NHEJ1: variants seen among roughly 807,000 people sequenced by gnomAD.
The protein encoded by NHEJ1 is non-homologous end joining factor 1, also known as non-homologous end-joining factor 1.
In NHEJ1, 22 loss-of-function variants were observed where a neutral mutation model predicts 39.4. The ratio of observed to expected loss-of-function variants is 0.56; its 90% CI spans 0.40 to 0.80. The LOEUF (loss-of-function observed/expected upper bound fraction) is 0.80. NHEJ1 is among the 30% of genes least tolerant of loss of function. The pLI, the probability that NHEJ1 is intolerant of heterozygous loss-of-function variation, is 0.00. For synonymous variants in NHEJ1, 154 were observed against 135.6 expected, an observed-to-expected ratio of 1.14 and a Z score of -0.94; for missense variants, 329 against 357.1, an observed-to-expected ratio of 0.92 and a Z score of 0.63.
chr2:219,123,849 G>A (rs1381771073), intron 5 of NHEJ1, among the ~76,000 whole-genome samples: 1 of 152,216 alleles, frequency 6.6e-6, no homozygotes, highest in Non-Finnish European at 1.5e-5. Context: ...CCTAGGAAGA[G>A]GGTGGGGGCT....
chr2:219,137,598 A>AAATAAC (rs1949646789), intron 5 of NHEJ1, among the ~76,000 whole-genome samples: 1 of 150,620 alleles, frequency 6.6e-6, no homozygotes, highest in Non-Finnish European at 1.5e-5. Flanking sequence ...AAAAACAAAA[A>AAATAAC]AAACTGAAAA....
chr2:219,159,612 C>T (rs1022541748), intron 1 of NHEJ1, among the ~76,000 whole-genome samples: 39 of 107,352 alleles, frequency 3.6e-4, no homozygotes, highest in Non-Finnish European at 5.0e-4. Context: ...CATATATATA[C>T]ATATACGTGG....
In NHEJ1 at chr2:219,071,595, C is replaced by G. The variant is rs974630482; in HGVS notation, c.*4786G>C. ...AGCCCCTGAACCCTACTCCCCAATT[C>G]TAACTCTGCTACTGTTTTGGGCCCC... On this transcript the variant is annotated 3_prime_UTR_variant, in exon 8 of 8. Coordinates refer to ENST00000356853, the MANE Select transcript of NHEJ1 (RefSeq NM_024782.3). Among the ~76,000 whole-genome samples the G allele has an allele frequency of 4.6e-5, 7 of 152,184 alleles. No individual in the cohort carries two copies. The highest frequency in any genetic ancestry group is 1.7e-4 in the African/African-American group (7 of 41,440).
At chr2:219,123,784 A>G (rs1156639201) in intron 5 of NHEJ1, among the ~76,000 whole-genome samples, 1 of 152,120 alleles carries the variant, frequency 6.6e-6, no homozygotes, top group African/African-American at 2.4e-5. Context: ...CCCACACTCA[A>G]GAGGAACAGA....
At chr2:219,076,532 T>A in intron 7 of NHEJ1, 77 bp from the exon 8 acceptor site, 5 of 996,044 alleles carry the variant, frequency 5.0e-6, no homozygotes, top group Non-Finnish European at 7.8e-6. Flanking sequence ...TTTCTTCCTC[T>A]CATGGCTCCT....
At chr2:219,126,319 T>C (rs1006587026) in intron 5 of NHEJ1, among the ~76,000 whole-genome samples, 3 of 152,246 alleles carry the variant, frequency 2.0e-5, no homozygotes, top group Non-Finnish European at 4.4e-5. Flanking sequence ...CTATTACTTG[T>C]GCAACTCGAG....
intron 7 of NHEJ1, 40 bp from the exon 8 acceptor site, chr2:219,076,495 T>C (rs770534427): frequency 1.3e-6 from 2 of 1,581,884 alleles, no homozygotes; most frequent in South Asian, 2.2e-5. Flanking sequence ...GGTTTTGAAA[T>C]AGTTCCACTG....
At chr2:219,076,521 C>A in intron 7 of NHEJ1, 66 bp from the exon 8 acceptor site, 68 of 1,016,872 alleles carry the variant, frequency 6.7e-5, no homozygotes, top group Middle Eastern at 2.6e-4. Flanking sequence ...AGGAAAGGAA[C>A]TTTCTTCCTC....
chr2:219,121,882 A>T (rs1949474787), intron 5 of NHEJ1, among the ~76,000 whole-genome samples: 1 of 152,190 alleles, frequency 6.6e-6, no homozygotes, highest in African/African-American at 2.4e-5. Flanking sequence ...AACTAATGCT[A>T]AATACAATAG....
At chr2:219,125,699 C>T (rs1323694050) in intron 5 of NHEJ1, 1 of 152,318 alleles carries the variant, frequency 6.6e-6, no homozygotes, top group Non-Finnish European at 1.5e-5. Context: ...ATGCTCTTCT[C>T]TGCCCAAAGG....
rs1948984288 is a variant in NHEJ1, at chr2:219,073,549, G to A, written c.*2832C>T. ...CCTAGCTAACTATGGGGGACCAGCC[G>A]GCAAGGCCAAGTAGGCCTTGCAATC... On this transcript the variant is annotated 3_prime_UTR_variant, in exon 8 of 8. Coordinates refer to ENST00000356853, the MANE Select transcript of NHEJ1 (RefSeq NM_024782.3). 6.6e-6 allele frequency among the ~76,000 whole-genome samples: 1 copy of A among 152,190 alleles called. No homozygotes were observed. Among genetic ancestry groups the A allele is most frequent in the Non-Finnish European group, 1.5e-5 (1 of 68,032 alleles).
intron 5 of NHEJ1, among the ~76,000 whole-genome samples, chr2:219,134,282 C>T (rs953069581): frequency 2.6e-5 from 4 of 152,214 alleles, no homozygotes; most frequent in East Asian, 1.9e-4. Flanking sequence ...GGTAAATCAA[C>T]GGGATGGCCT....
rs1948958738 is a variant in NHEJ1 at position 219,071,717 on chromosome 2, G to A, written c.*4664C>T. On this transcript the variant is annotated 3_prime_UTR_variant, in exon 8 of 8. Transcript: ENST00000356853. Reference sequence around the variant, plus strand: ...AAGTAATCCTAGCACAATCTTCCCAGGTGAGTCAATGGCTGTGTGCTCCCC... The same window carrying A: ...AAGTAATCCTAGCACAATCTTCCCAAGTGAGTCAATGGCTGTGTGCTCCCC... Among the ~76,000 whole-genome samples the A allele has an allele frequency of 6.6e-6, 1 of 152,184 alleles. No homozygotes were observed. Among genetic ancestry groups the A allele is most frequent in the Admixed American group, 6.5e-5 (1 of 15,280 alleles).
At chr2:219,150,805 A>C (rs1949788022) in intron 3 of NHEJ1, among the ~76,000 whole-genome samples, 1 of 151,756 alleles carries the variant, frequency 6.6e-6, no homozygotes. Context: ...AAAATACAAA[A>C]ATTAGCTGGG....
intron 5 of NHEJ1, among the ~76,000 whole-genome samples, chr2:219,116,709 G>A (rs1949419972): frequency 6.6e-6 from 1 of 152,080 alleles, no homozygotes; most frequent in African/African-American, 2.4e-5. Flanking sequence ...CTGTGTAAAG[G>A]CCATAATACA....
At chr2:219,130,898 G>C (rs1408183524) in intron 5 of NHEJ1, among the ~76,000 whole-genome samples, 1 of 152,040 alleles carries the variant, frequency 6.6e-6, no homozygotes, top group Non-Finnish European at 1.5e-5. Flanking sequence ...AGACCAGCCT[G>C]GGAAAAACAG....
chr2:219,152,454 CAAAT>C (rs1157557216), intron 3 of NHEJ1, among the ~76,000 whole-genome samples: 2 of 151,840 alleles, frequency 1.3e-5, no homozygotes, highest in South Asian at 2.1e-4. Context: ...AACAAACAAA[CAAAT>C]AAACAAAAAA....
chr2:219,103,370 G>A (rs927128805), intron 5 of NHEJ1, among the ~76,000 whole-genome samples: 4 of 151,768 alleles, frequency 2.6e-5, no homozygotes, highest in African/African-American at 9.7e-5. Context: ...CTGCCTCCCG[G>A]GTTCAAGCGA....
At position 219,159,514 on chromosome 2, in the gene NHEJ1, T is replaced by TATATATATATGC. The variant is rs66875405; in HGVS notation, c.1-1164_1-1153dup. Among the ~76,000 whole-genome samples, 36 of 43,962 alleles carry TATATATATATGC rather than the reference T, an allele frequency of 8.2e-4. 1 individual carries two copies. Among genetic ancestry groups the TATATATATATGC allele is most frequent in the East Asian group, 2.3e-3 (5 of 2,208 alleles). 28.8% of individuals were successfully genotyped at this position (43,962 alleles called of 152,430 possible). A position where few individuals can be genotyped will look rare whatever the true frequency, so the allele number is the denominator to read the frequency against. On this transcript the variant is annotated intron_variant, in intron 1 of 7. Transcript: ENST00000356853. The stretch of plus-strand genomic sequence containing the variant: ...GCCCTTGTGACTTGTGACATAACTT[T>TATATATATATGC]ATATATATATGCATATATATATGCA...
Sources: gnomAD v4.1 joint callset for allele counts (sites outside exome capture counted in the v4.1 genomes callset) on GRCh38, gnomAD v4.1.1 for gene constraint, MANE v1.5 for transcripts, NCBI Gene and HGNC (gene_info 2026-07-23, HGNC 2026-07-21) for gene names.